The following CDC14A variants were observed in gnomAD, a reference collection of about 807,000 sequenced individuals.
CDC14A encodes cell division cycle 14A, also known as dual specificity protein phosphatase CDC14A.
CDC14A carries 53 observed loss-of-function variants against 74.4 expected under a neutral mutation model. The observed-to-expected ratio is 0.71, with a 90% CI of 0.57 to 0.89. The LOEUF is 0.89. Ranked by LOEUF, CDC14A falls within the 40% of genes least tolerant of loss-of-function variation. The pLI is 0.00. For missense variants in CDC14A, 646 were observed against 713.7 expected, an observed-to-expected ratio of 0.91 and a Z score of 1.08; for synonymous variants, 247 against 258.4, an observed-to-expected ratio of 0.96 and a Z score of 0.43.
chr1:100,418,211 T>C lies in CDC14A; in HGVS notation c.310-6011T>C, dbSNP rs188645276. Among the ~76,000 whole-genome samples the C allele has an allele frequency of 7.2e-5, 11 of 152,304 alleles. No individual in the cohort carries two copies. The East Asian group carries it at 2.1e-3, about 29-fold the overall frequency. ...TACTGTTAACTTTTTGTTTTTATTGTTGTCATTATTGTGATCATTATCACC... is the reference window on the plus strand; with the variant it reads ...TACTGTTAACTTTTTGTTTTTATTGCTGTCATTATTGTGATCATTATCACC... On this transcript the variant is annotated intron_variant, in intron 4 of 15. Transcript: ENST00000336454.
intron 2 of CDC14A, among the ~76,000 whole-genome samples, chr1:100,358,697 T>C (rs1243609625): frequency 6.6e-6 from 1 of 152,240 alleles, no homozygotes; most frequent in Non-Finnish European, 1.5e-5. Flanking sequence ...TCAATTTTCA[T>C]TTAAACTTAA....
chr1:100,420,082 A>ATATATATAGTGT (rs58124351), intron 4 of CDC14A, among the ~76,000 whole-genome samples: 1 of 105,526 alleles, frequency 9.5e-6, no homozygotes, highest in African/African-American at 3.3e-5. Context: ...ATATATATAT[A>ATATATATAGTGT]GTGTGTATGT....
chr1:100,367,766 G>A (rs954711661), intron 2 of CDC14A, among the ~76,000 whole-genome samples: 3 of 152,164 alleles, frequency 2.0e-5, no homozygotes, highest in African/African-American at 7.2e-5. Flanking sequence ...CTGGCCCACT[G>A]AGCTTCAACA....
chr1:100,409,465 C>T (rs1182262182), intron 4 of CDC14A, among the ~76,000 whole-genome samples: 3 of 152,186 alleles, frequency 2.0e-5, no homozygotes, highest in Non-Finnish European at 2.9e-5. Context: ...TCCAAAGTCT[C>T]ATCTGAGACA....
At chr1:100,423,993 C>G in intron 4 of CDC14A, 2 of 464,746 alleles carry the variant, frequency 4.3e-6, no homozygotes, top group Non-Finnish European at 8.0e-6. Flanking sequence ...CTGGGATGGC[C>G]TCTTCATGGA....
chr1:100,358,486 C>A (rs1652226611), intron 2 of CDC14A, among the ~76,000 whole-genome samples: 1 of 152,168 alleles, frequency 6.6e-6, no homozygotes, highest in Admixed American at 6.5e-5. Flanking sequence ...TGTCCATTGT[C>A]ATTTCTTCTC....
At chr1:100,385,515 C>G (rs1403693293) in intron 3 of CDC14A, among the ~76,000 whole-genome samples, 4 of 152,180 alleles carry the variant, frequency 2.6e-5, no homozygotes, top group Non-Finnish European at 4.4e-5. Flanking sequence ...TTGACCAATT[C>G]AACCTGAGAA....
intron 5 of CDC14A, among the ~76,000 whole-genome samples, chr1:100,427,324 G>A (rs923594693): frequency 1.3e-5 from 2 of 152,006 alleles, no homozygotes; most frequent in African/African-American, 4.8e-5. Context: ...TTGAAGGTGT[G>A]GTTGGTATGT....
intron 5 of CDC14A, among the ~76,000 whole-genome samples, chr1:100,425,410 G>T (rs1662838119): frequency 6.6e-6 from 1 of 152,248 alleles, no homozygotes; most frequent in Admixed American, 6.5e-5. Context: ...TCATTCTGCT[G>T]TAAACTCTCA....
At chr1:100,393,969 A>ATG (rs1309425263) in intron 4 of CDC14A, 2 of 256,822 alleles carry the variant, frequency 7.8e-6, no homozygotes, top group Non-Finnish European at 1.5e-5. Context: ...AAAAATATAT[A>ATG]TATATATAGC....
intron 1 of CDC14A, among the ~76,000 whole-genome samples, chr1:100,346,043 C>T (rs1467103092): frequency 6.6e-6 from 1 of 151,988 alleles, no homozygotes; most frequent in East Asian, 1.9e-4. Context: ...TGGGGGTGGG[C>T]ACCTGTAATC....
rs71084821 is a variant in CDC14A at position 100,373,801 on chromosome 1, C to CT, written c.141-3736dup. ...CAAATCACTGCTGCTTTCTTTCTTT[C>CT]TTTTTTTTTATTATTATTATACTTT... On this transcript the variant is annotated intron_variant, in intron 2 of 15. Transcript: ENST00000336454. Among the ~76,000 whole-genome samples the CT allele has an allele frequency of 2.7e-4, 41 of 151,410 alleles. 1 individual carries two copies. The highest frequency in any genetic ancestry group is 2.7e-3 in the South Asian group (13 of 4,802).
chr1:100,351,140 G>C (rs1650934879), upstream of CDC14A, among the ~76,000 whole-genome samples: 1 of 152,094 alleles, frequency 6.6e-6, no homozygotes, highest in African/African-American at 2.4e-5. Context: ...ATTGCAGTGA[G>C]CAGAGATTGA....
chr1:100,467,575 T>C (rs756216063), intron 9 of CDC14A, among the ~76,000 whole-genome samples: 11 of 152,120 alleles, frequency 7.2e-5, no homozygotes, highest in Non-Finnish European at 1.2e-4. Flanking sequence ...GCTTTACATC[T>C]TTGTTGCAGT....
chr1:100,490,611 G>A (rs1293990013), intron 11 of CDC14A, among the ~76,000 whole-genome samples: 3 of 152,134 alleles, frequency 2.0e-5, no homozygotes, highest in South Asian at 4.2e-4. Context: ...CTGTATAGCC[G>A]CTTAAATGTG....
At chr1:100,388,872 T>A (rs1368439333) in intron 3 of CDC14A, among the ~76,000 whole-genome samples, 1 of 152,038 alleles carries the variant, frequency 6.6e-6, no homozygotes, top group Admixed American at 6.6e-5. Flanking sequence ...TTTTTAAAAG[T>A]TTAATAAAAA....
upstream of CDC14A, among the ~76,000 whole-genome samples, chr1:100,349,957 ATT>A (rs1190102465): frequency 2.3e-5 from 3 of 129,302 alleles, no homozygotes. Flanking sequence ...TAAGTTTTGT[ATT>A]TTTTTTTTTT....
intron 3 of CDC14A, among the ~76,000 whole-genome samples, chr1:100,389,764 T>G (rs1269577112): frequency 6.6e-6 from 1 of 152,180 alleles, no homozygotes; most frequent in Non-Finnish European, 1.5e-5. Context: ...AAAGCTGCTT[T>G]TATAGTCAAT....
intron 11 of CDC14A, among the ~76,000 whole-genome samples, chr1:100,487,859 T>C (rs1670201460): frequency 6.6e-6 from 1 of 152,116 alleles, no homozygotes; most frequent in Admixed American, 6.6e-5. Context: ...ACTATACTTT[T>C]CCCCCACAGT....
Sources: gnomAD v4.1 joint callset for allele counts (sites outside exome capture counted in the v4.1 genomes callset) on GRCh38, gnomAD v4.1.1 for gene constraint, MANE v1.5 for transcripts, NCBI Gene and HGNC (gene_info 2026-07-23, HGNC 2026-07-21) for gene names.